The following DST variants were observed in gnomAD, a reference collection of about 807,000 sequenced individuals.
DST encodes dystonin, also known as bullous pemphigoid antigen.
A neutral mutation model predicts 875.2 loss-of-function variants in DST; 253 were observed. The observed-to-expected ratio is 0.29, with a 90% CI of 0.26 to 0.32. The LOEUF (loss-of-function observed/expected upper bound fraction) is 0.32, where lower values mean the gene tolerates loss of function less well. Ranked by LOEUF, DST falls within the 10% of genes least tolerant of loss-of-function variation. The probability of loss-of-function intolerance (pLI) is 1.00; values close to 1 mark genes in which losing one functional copy is unlikely to be tolerated. For synonymous variants in DST, 3,124 were observed against 3,197.1 expected (o/e 0.98, Z 0.77); for missense variants, 8,287 against 9,111.6 (o/e 0.91, Z 3.68).
intron 90 of DST, 84 bp from the exon 91 acceptor site, chr6:56,477,572 TAAAC>T (rs1464377729): frequency 1.3e-5 from 20 of 1,527,534 alleles, no homozygotes; most frequent in Non-Finnish European, 5.4e-6. Flanking sequence ...CTGCCAGAAT[TAAAC>T]AAATAAACAA....
intron 49 of DST, among the ~76,000 whole-genome samples, chr6:56,582,837 C>T (rs368446636): frequency 3.3e-5 from 5 of 151,870 alleles, no homozygotes; most frequent in Non-Finnish European, 7.4e-5. Flanking sequence ...TGAGTGAGAA[C>T]ATGCGGTGTT....
Position 56,581,051 on chromosome 6 carries a change from T to TA in DST, c.12904-2115dup, listed in dbSNP as rs771314105. Among the ~76,000 whole-genome samples the TA allele has an allele frequency of 3.8e-3, 347 of 90,678 alleles. 2 individuals are homozygous for TA. The highest frequency in any genetic ancestry group is 0.014 in the East Asian group (48 of 3,412). The allele number at this position is 90,678 out of a possible 152,430, so 59.5% of individuals were successfully genotyped here. A position where few individuals can be genotyped will look rare whatever the true frequency, so the allele number is the denominator to read the frequency against. On this transcript the variant is annotated intron_variant, in intron 49 of 103. Coordinates refer to ENST00000680361, the MANE Select transcript of DST (RefSeq NM_001374736.1). ...CTCCCAGCCAATTAGTGGCATTTATTAAAAAAAAAAAAAAAAAAAAAAAAA... is the reference window on the plus strand; with the variant it reads ...CTCCCAGCCAATTAGTGGCATTTATTAAAAAAAAAAAAAAAAAAAAAAAAAA...
intron 4 of DST, among the ~76,000 whole-genome samples, chr6:56,796,504 C>A (rs904294147): frequency 1.3e-5 from 2 of 151,918 alleles, no homozygotes; most frequent in African/African-American, 2.4e-5. Context: ...GGGCACAAAA[C>A]AGAAAATCAA....
rs145852983 is a variant in DST, at chr6:56,532,239, A to G, written c.17108+105T>C. 1,472 of 1,041,196 alleles carry G rather than the reference A, an allele frequency of 1.4e-3. 12 individuals carry two copies. The African/African-American group carries it at 0.02, about 14-fold the overall frequency. The allele number at this position is 1,041,196 out of a possible 1,614,324, so 64.5% of individuals were successfully genotyped here. On this transcript the variant is annotated intron_variant, in intron 64 of 103. Coordinates refer to ENST00000680361, the MANE Select transcript of DST (RefSeq NM_001374736.1). Reference sequence around the variant, plus strand: ...CTATCTCTGTTCACATACATGATAAACATAGGAAAATCATGATTTGAAGTA... The same window carrying G: ...CTATCTCTGTTCACATACATGATAAGCATAGGAAAATCATGATTTGAAGTA...
chr6:56,605,379 A>G lies in DST; in HGVS notation c.9249T>C (p.Asp3083=), dbSNP rs765836482. The change falls in exon 40 of 104, where the codon GAT becomes GAC. Residue 3083 remains aspartate, a synonymous_variant. Transcript: ENST00000680361. ...ACTGACTATTAATTAACTTGAAACT[A>G]TCCCTTGTATTTTTACCAGGCAAAA... ...LKLLPGKNTR[D]SFKLINSQFP... The G allele has an allele frequency of 6.2e-7, 1 of 1,612,742 alleles. No homozygotes were observed. Among genetic ancestry groups the G allele is most frequent in the Admixed American group, 1.7e-5 (1 of 59,820 alleles).
intron 34 of DST, among the ~76,000 whole-genome samples, chr6:56,625,555 A>AT (rs1374527494): frequency 2.6e-5 from 4 of 152,086 alleles, no homozygotes; most frequent in African/African-American, 9.7e-5. Context: ...GGCACAATGC[A>AT]TTACTCACGT....
chr6:56,637,426 A>G (rs1166290929), intron 22 of DST, among the ~76,000 whole-genome samples: 4 of 152,096 alleles, frequency 2.6e-5, no homozygotes, highest in South Asian at 4.1e-4. Context: ...TGGCACATTC[A>G]TCTCTCCTTT....
intron 4 of DST, among the ~76,000 whole-genome samples, chr6:56,825,587 T>A (rs1160271345): frequency 6.6e-6 from 1 of 152,086 alleles, no homozygotes; most frequent in Non-Finnish European, 1.5e-5. Context: ...TCTGTTTTTA[T>A]AAACAAATAT....
Position 56,604,791 on chromosome 6 carries a change from A to G in DST, c.9837T>C (p.His3279=), listed in dbSNP as rs2098479335. 6.2e-6 allele frequency: 10 copies of G among 1,612,704 alleles called. No homozygotes were observed. In the East Asian group the frequency reaches 2.0e-4, roughly 32 times the overall value. Residue 3279 remains histidine (H), a synonymous_variant, in exon 40 of 104, where the codon CAT becomes CAC. Coordinates refer to ENST00000680361, the MANE Select transcript of DST (RefSeq NM_001374736.1). ...EATLSILSRK[H]VEDVGKNDFL... ...AATCATTTTTCCCAACATCTTCTACATGTTTACGAGATAATATTGAAAGTG... is the reference window on the plus strand; with the variant it reads ...AATCATTTTTCCCAACATCTTCTACGTGTTTACGAGATAATATTGAAAGTG...
chr6:56,662,832 C>G (rs756260483), intron 10 of DST, among the ~76,000 whole-genome samples: 11 of 152,082 alleles, frequency 7.2e-5, no homozygotes, highest in Non-Finnish European at 1.5e-4. Flanking sequence ...GCCTGTAGTC[C>G]CAACTACTCA....
At chr6:56,703,986 C>A (rs2099322367) in intron 6 of DST, among the ~76,000 whole-genome samples, 3 of 151,664 alleles carry the variant, frequency 2.0e-5, no homozygotes, top group African/African-American at 7.3e-5. Flanking sequence ...ATGCATCCAA[C>A]TTCTGCTAAG....
At chr6:56,585,298 C>A (rs1229882239) in intron 49 of DST, among the ~76,000 whole-genome samples, 1 of 152,158 alleles carries the variant, frequency 6.6e-6, no homozygotes, top group Non-Finnish European at 1.5e-5. Flanking sequence ...TTCAGAGATT[C>A]AACTTCTTCC....
intron 4 of DST, among the ~76,000 whole-genome samples, chr6:56,775,120 T>C (rs1564108528): frequency 6.6e-6 from 1 of 151,992 alleles, no homozygotes; most frequent in Non-Finnish European, 1.5e-5. Context: ...GGAATTTTAG[T>C]TACAAGAGTA....
At chr6:56,463,959 T>C (rs777737515) in intron 100 of DST, 195 bp from the exon 101 acceptor site, 1 of 708,514 alleles carries the variant, frequency 1.4e-6, no homozygotes, top group African/African-American at 1.7e-5. Flanking sequence ...TCCTTTTGGA[T>C]ACAGGTGAGT....
At chr6:56,920,106 A>C (rs1803332429) in intron 2 of DST, among the ~76,000 whole-genome samples, 1 of 152,230 alleles carries the variant, frequency 6.6e-6, no homozygotes, top group Non-Finnish European at 1.5e-5. Flanking sequence ...TGAGATAAAA[A>C]GTGTAGTAAG....
At position 56,670,777 on chromosome 6, in the gene DST, C is replaced by G; in HGVS notation, c.1078G>C (p.Glu360Gln). Residue 360 changes from glutamate (E) to glutamine (Q), a missense_variant, in exon 10 of 104, where the codon GAG becomes CAG. Around this residue, in one of 10 missense-constraint regions of DST, gnomAD observed 1,160 missense variants for 1,424.3 expected, o/e 0.81. Transcript: ENST00000680361. ...ISDIHVTGESEDMSAKERLLL... is the reference protein window; with the variant it reads ...ISDIHVTGESQDMSAKERLLL... ...AATCTCTCTTTTGCAGACATATCCTCTGACTCTCCAGTAACATGGATATCA... is the reference window on the plus strand; with the variant it reads ...AATCTCTCTTTTGCAGACATATCCTGTGACTCTCCAGTAACATGGATATCA... 1 of 1,605,706 alleles carries G rather than the reference C, an allele frequency of 6.2e-7. No homozygotes were observed.
At chr6:56,541,084 C>T (rs747886871) in intron 61 of DST, 9 of 152,612 alleles carry the variant, frequency 5.9e-5, no homozygotes, top group Non-Finnish European at 7.3e-5. Context: ...CAGCATCTGA[C>T]ATATCAGCAG....
At position 56,555,653 on chromosome 6, in the gene DST, T is replaced by C; in HGVS notation, c.14828A>G (p.Asp4943Gly). 1 of 1,613,992 alleles carries C rather than the reference T, an allele frequency of 6.2e-7. No individual in the cohort carries two copies. Among genetic ancestry groups the C allele is most frequent in the Non-Finnish European group, 8.5e-7 (1 of 1,179,890 alleles). The change falls in exon 60 of 104, where the codon GAC becomes GGC. Residue 4943 changes from aspartate (D) to glycine (G), a missense_variant. By Grantham distance (94) the Asp-to-Gly change is moderately conservative (BLOSUM62 -1). Transcript: ENST00000680361. ...GQLSDRCDWI[D>G]QAIVKSTQYQ... ...CTGTGTGCTTTTAACAATGGCTTGG[T>C]CAATCCAGTCACATCTGTCACTCAA...
At position 56,861,393 on chromosome 6, in the gene DST, G is replaced by A. The variant is rs537180503; in HGVS notation, c.418-9789C>T. 3.3e-5 allele frequency among the ~76,000 whole-genome samples: 5 copies of A among 152,266 alleles called. No individual in the cohort carries two copies. The South Asian group carries it at 6.2e-4, about 19-fold the overall frequency. On this transcript the variant is annotated intron_variant, in intron 3 of 103. Coordinates refer to ENST00000680361, the MANE Select transcript of DST (RefSeq NM_001374736.1). ...CCTGATCCCTCTGAGCTGGCTTGGTGGAAAACTCTGCTCAGGTGGGATGCT... is the reference window on the plus strand; with the variant it reads ...CCTGATCCCTCTGAGCTGGCTTGGTAGAAAACTCTGCTCAGGTGGGATGCT...
Sources: allele counts gnomAD v4.1 joint callset (sites outside exome capture counted in the v4.1 genomes callset), GRCh38; gene constraint gnomAD v4.1.1; regional missense constraint gnomAD v4.1.1; transcripts MANE v1.5; gene names NCBI Gene and HGNC (gene_info 2026-07-23, HGNC 2026-07-21).